FARS2: variants seen among roughly 807,000 people sequenced by gnomAD.
The protein encoded by FARS2 is phenylalanine--tRNA ligase, mitochondrial.
Under a neutral mutation model 46.4 loss-of-function variants are expected in FARS2, and 40 were observed. The ratio of observed to expected loss-of-function variants is 0.86; its 90% CI spans 0.67 to 1.12. FARS2 has a LOEUF of 1.12. FARS2 is among the 50% of genes most tolerant of loss of function. The pLI, the probability that FARS2 is intolerant of heterozygous loss-of-function variation, is 0.00. For synonymous variants in FARS2, 234 were observed against 214.9 expected, an observed-to-expected ratio of 1.09 and a Z score of -0.78; for missense variants, 513 against 567.9, an observed-to-expected ratio of 0.90 and a Z score of 0.98.
intron 1 of FARS2, among the ~76,000 whole-genome samples, chr6:5,263,183 G>T (rs7766566): frequency 0.088 from 13,333 of 152,118 alleles, 728 homozygotes; most frequent in African/African-American, 0.15. Flanking sequence ...ATATACAATT[G>T]TTTCTACCTA....
Position 5,542,754 on chromosome 6 carries a change from G to A in FARS2, c.905-2426G>A, listed in dbSNP as rs1317563224. Among the ~76,000 whole-genome samples the A allele has an allele frequency of 9.9e-5, 15 of 152,122 alleles. 1 individual carries two copies. The highest frequency in any genetic ancestry group is 9.8e-4 in the Admixed American group (15 of 15,270). On this transcript the variant is annotated intron_variant, in intron 4 of 6. Coordinates refer to ENST00000274680, the MANE Select transcript of FARS2 (RefSeq NM_006567.5). ...TTATCATTCCCACCCAATAATTTAC[G>A]AGTTCTAGTTTCAATGTGTCATATC... is the stretch of plus-strand genomic sequence containing the variant.
intron 6 of FARS2, among the ~76,000 whole-genome samples, chr6:5,618,238 C>T (rs1393672879): frequency 6.6e-6 from 1 of 152,134 alleles, no homozygotes; most frequent in East Asian, 1.9e-4. Flanking sequence ...TCCCAAATTC[C>T]AAAACCCTCT....
chr6:5,325,031 C>A, intron 1 of FARS2, among the ~76,000 whole-genome samples: 1 of 152,118 alleles, frequency 6.6e-6, no homozygotes, highest in Non-Finnish European at 1.5e-5. Context: ...AGAAATTTCA[C>A]CATTTATCAA....
intron 1 of FARS2, among the ~76,000 whole-genome samples, chr6:5,362,986 G>A (rs1178072669): frequency 4.8e-5 from 7 of 146,156 alleles, no homozygotes; most frequent in African/African-American, 1.8e-4. Flanking sequence ...GAGTGCAGTG[G>A]CGCGATCTCG....
At chr6:5,429,412 A>G (rs1190786361) in intron 3 of FARS2, among the ~76,000 whole-genome samples, 2 of 152,238 alleles carry the variant, frequency 1.3e-5, no homozygotes, top group Non-Finnish European at 2.9e-5. Context: ...TCTGGGCCAT[A>G]GGAAAGCCTC....
intron 1 of FARS2, chr6:5,272,369 T>C (rs1245608121): frequency 2.6e-5 from 4 of 152,208 alleles, no homozygotes; most frequent in East Asian, 3.8e-4. Context: ...TTTTTCTTTT[T>C]TCTTTCCAAA....
chr6:5,584,359 C>T (rs557857857), intron 5 of FARS2, among the ~76,000 whole-genome samples: 87 of 152,236 alleles, frequency 5.7e-4, no homozygotes, highest in African/African-American at 2.0e-3. Flanking sequence ...CATCATTTCT[C>T]CCCCACCCCA....
intron 6 of FARS2, among the ~76,000 whole-genome samples, chr6:5,620,379 A>T (rs2150693272): frequency 6.6e-6 from 1 of 152,310 alleles, no homozygotes; most frequent in African/African-American, 2.4e-5. Context: ...TGTTATGAGC[A>T]GTGGGGAGAA....
chr6:5,292,862 C>G (rs67307669), intron 1 of FARS2, among the ~76,000 whole-genome samples: 40,189 of 151,980 alleles, frequency 0.26, 6,827 homozygotes, highest in African/African-American at 0.48. Flanking sequence ...TGGGGTTATT[C>G]AGTGATAGGG....
chr6:5,721,287 CTTAAG>C (rs1759888789), intron 6 of FARS2, among the ~76,000 whole-genome samples: 1 of 152,112 alleles, frequency 6.6e-6, no homozygotes, highest in Admixed American at 6.5e-5. Flanking sequence ...GTCTGATGCT[CTTAAG>C]TTGTTTTGGT....
chr6:5,537,113 C>T (rs1021591811), intron 4 of FARS2, among the ~76,000 whole-genome samples: 1 of 152,136 alleles, frequency 6.6e-6, no homozygotes, highest in Non-Finnish European at 1.5e-5. Context: ...CTTGATACAA[C>T]CCAAGTACAC....
intron 5 of FARS2, among the ~76,000 whole-genome samples, chr6:5,552,320 G>A (rs146417083): frequency 6.6e-6 from 1 of 152,292 alleles, no homozygotes; most frequent in East Asian, 1.9e-4. Flanking sequence ...GCGAGAAAAT[G>A]GGGAAAAGGC....
At chr6:5,559,246 A>G (rs1418791324) in intron 5 of FARS2, among the ~76,000 whole-genome samples, 1 of 152,110 alleles carries the variant, frequency 6.6e-6, no homozygotes, top group Non-Finnish European at 1.5e-5. Flanking sequence ...TTACAGAGCA[A>G]ATAAAAATAA....
chr6:5,740,709 A>C (rs1761275776), intron 6 of FARS2, among the ~76,000 whole-genome samples: 2 of 152,154 alleles, frequency 1.3e-5, no homozygotes, highest in Admixed American at 6.5e-5. Context: ...TTTTATCCCC[A>C]GTAAGCAAGC....
chr6:5,448,471 GTTTT>G (rs35279187), intron 4 of FARS2, among the ~76,000 whole-genome samples: 2 of 145,528 alleles, frequency 1.4e-5, no homozygotes, highest in Non-Finnish European at 3.0e-5. Context: ...CATTTTTTCT[GTTTT>G]TTTTTTTTCA....
At chr6:5,684,125 C>G (rs1779176805) in intron 6 of FARS2, among the ~76,000 whole-genome samples, 1 of 152,142 alleles carries the variant, frequency 6.6e-6, no homozygotes, top group African/African-American at 2.4e-5. Context: ...ACCTGCCCGG[C>G]TTGCCTTTCA....
intron 6 of FARS2, among the ~76,000 whole-genome samples, chr6:5,721,011 C>G (rs113621323): frequency 2.0e-4 from 31 of 152,172 alleles, no homozygotes; most frequent in African/African-American, 7.0e-4. Flanking sequence ...TGTGATCATA[C>G]CACTATACTC....
At chr6:5,655,632 C>T (rs1777571895) in intron 6 of FARS2, among the ~76,000 whole-genome samples, 1 of 152,194 alleles carries the variant, frequency 6.6e-6, no homozygotes, top group Admixed American at 6.5e-5. Context: ...GCCCTCCTGC[C>T]TCCCTCTTAT....
intron 2 of FARS2, among the ~76,000 whole-genome samples, chr6:5,380,688 T>C (rs1421536318): frequency 1.3e-5 from 2 of 152,198 alleles, no homozygotes; most frequent in African/African-American, 4.8e-5. Flanking sequence ...GACTACACTC[T>C]TGCTATTTGA....
Sources: allele counts gnomAD v4.1 joint callset (sites outside exome capture counted in the v4.1 genomes callset), GRCh38; gene constraint gnomAD v4.1.1; transcripts MANE v1.5; gene names NCBI Gene and HGNC (gene_info 2026-07-23, HGNC 2026-07-21).